The following GSG1L variants were observed in gnomAD, a reference collection of about 807,000 sequenced individuals.
GSG1L encodes the protein germ cell-specific gene 1-like protein.
GSG1L carries 24 observed loss-of-function variants against 42.1 expected under a neutral mutation model. The ratio of observed to expected loss-of-function variants is 0.57; its 90% CI spans 0.41 to 0.80. The LOEUF (loss-of-function observed/expected upper bound fraction) is 0.80, where lower values mean the gene tolerates loss of function less well. Among genes scored for constraint, GSG1L ranks in the 30% least tolerant of loss-of-function variants. The probability of loss-of-function intolerance (pLI) is 0.00; values close to 1 mark genes in which losing one functional copy is unlikely to be tolerated. For synonymous variants in GSG1L, 215 were observed against 203.5 expected, an observed-to-expected ratio of 1.06 and a Z score of -0.48; for missense variants, 445 against 472.2, an observed-to-expected ratio of 0.94 and a Z score of 0.53.
chr16:27,841,403 G>A (rs986430548), intron 4 of GSG1L, among the ~76,000 whole-genome samples: 12 of 152,276 alleles, frequency 7.9e-5, no homozygotes, highest in African/African-American at 1.2e-4. Context: ...CTAAGAAACC[G>A]GCACTCAACC....
At chr16:27,984,866 T>A (rs2085363324) in intron 1 of GSG1L, among the ~76,000 whole-genome samples, 1 of 152,142 alleles carries the variant, frequency 6.6e-6, no homozygotes, top group Non-Finnish European at 1.5e-5. Context: ...CAAAGTATCC[T>A]ACTGCTTCAG....
chr16:27,934,651 C>T (rs1252196262), intron 2 of GSG1L, among the ~76,000 whole-genome samples: 1 of 152,198 alleles, frequency 6.6e-6, no homozygotes, highest in Non-Finnish European at 1.5e-5. Flanking sequence ...AGGAGCATGG[C>T]ACCATGGGAG....
At chr16:27,935,808 C>T (rs996465315) in intron 2 of GSG1L, among the ~76,000 whole-genome samples, 5 of 149,812 alleles carry the variant, frequency 3.3e-5, no homozygotes, top group East Asian at 4.0e-4. Context: ...TAGACAGAAC[C>T]GGACACAAGC....
At chr16:28,050,022 G>T (rs1402594380) in intron 1 of GSG1L, among the ~76,000 whole-genome samples, 2 of 152,150 alleles carry the variant, frequency 1.3e-5, no homozygotes, top group African/African-American at 4.8e-5. Context: ...CCTTATATAT[G>T]AAGTTCACCT....
chr16:27,932,717 C>A (rs1261882717), intron 2 of GSG1L, among the ~76,000 whole-genome samples: 1 of 152,110 alleles, frequency 6.6e-6, no homozygotes, highest in African/African-American at 2.4e-5. Context: ...TAACTTTGGG[C>A]CTGAACATGT....
intron 2 of GSG1L, among the ~76,000 whole-genome samples, chr16:27,921,444 C>A (rs1328494267): frequency 1.3e-5 from 2 of 152,168 alleles, no homozygotes; most frequent in Admixed American, 6.5e-5. Context: ...AACTCCATAG[C>A]CTTATATCTG....
intron 2 of GSG1L, among the ~76,000 whole-genome samples, chr16:27,891,884 CTTTTTTT>C (rs60746199): frequency 0.029 from 2,191 of 74,344 alleles, 87 homozygotes; most frequent in African/African-American, 0.087. Context: ...AGTGACAGAT[CTTTTTTT>C]TTTTTTTTTT....
chr16:27,914,366 T>C (rs1672340221), intron 2 of GSG1L, among the ~76,000 whole-genome samples: 1 of 152,158 alleles, frequency 6.6e-6, no homozygotes, highest in Non-Finnish European at 1.5e-5. Flanking sequence ...TCATATATTG[T>C]GGATGGAATA....
At position 28,063,063 on chromosome 16, in the gene GSG1L, C is replaced by T. The variant is rs2086361742; in HGVS notation, c.349+13G>A. On this transcript the variant is annotated intron_variant, in intron 1 of 6. Transcript: ENST00000447459. The surrounding 1 kb of genome is among the most constrained non-coding windows in gnomAD (Gnocchi z 5.8). ...AGCCGGAGCCGAGCTGGCCGCCGCC[C>T]GCGCGCACTCACCAAGCCCGCTGAG... 42 of 1,407,056 alleles carry T rather than the reference C, an allele frequency of 3.0e-5. No homozygotes were observed. Among genetic ancestry groups the T allele is most frequent in the Non-Finnish European group, 3.8e-5 (41 of 1,074,466 alleles). 87.2% of individuals were successfully genotyped at this position (1,407,056 alleles called of 1,614,324 possible). A position where few individuals can be genotyped will look rare whatever the true frequency, so the allele number is the denominator to read the frequency against.
intron 3 of GSG1L, among the ~76,000 whole-genome samples, chr16:27,880,446 G>A (rs1461306752): frequency 6.6e-6 from 1 of 152,216 alleles, no homozygotes; most frequent in Non-Finnish European, 1.5e-5. Flanking sequence ...GTGTGAGTCT[G>A]TGAAAAGAGC....
At chr16:27,823,973 T>G in intron 5 of GSG1L, 1 of 702,500 alleles carries the variant, frequency 1.4e-6, no homozygotes, top group Admixed American at 2.0e-5. Context: ...AGAAATTAAC[T>G]GAGTCACATC....
At chr16:28,003,542 AGCTCTAGTGGCCAATCAGCATG>A (rs2085602972) in intron 1 of GSG1L, among the ~76,000 whole-genome samples, 1 of 152,214 alleles carries the variant, frequency 6.6e-6, no homozygotes, top group Non-Finnish European at 1.5e-5. Context: ...TCACATGTCC[AGCTCTAGTGGCCAATCAGCATG>A]GCCGGGTAAA....
chr16:27,826,787 G>A (rs1004567274), intron 5 of GSG1L, among the ~76,000 whole-genome samples: 1 of 152,166 alleles, frequency 6.6e-6, no homozygotes, highest in African/African-American at 2.4e-5. Context: ...CAGATTCTGG[G>A]GTCAAAGAGG....
intron 1 of GSG1L, among the ~76,000 whole-genome samples, chr16:28,034,782 T>G (rs1406462235): frequency 6.6e-6 from 1 of 152,216 alleles, no homozygotes; most frequent in African/African-American, 2.4e-5. Context: ...CCTCTACCCA[T>G]TGGCTGCCTA....
intron 6 of GSG1L, 98 bp downstream of exon 6, chr16:27,807,389 T>C (rs2082977780): frequency 1.1e-6 from 1 of 917,412 alleles, no homozygotes; most frequent in Admixed American, 2.1e-5. Context: ...CAGGGTGCAG[T>C]GGGGGGTGGG....
intron 1 of GSG1L, among the ~76,000 whole-genome samples, chr16:28,005,443 T>C (rs1303958450): frequency 1.3e-5 from 2 of 152,218 alleles, no homozygotes; most frequent in African/African-American, 4.8e-5. Context: ...CACATGGCAT[T>C]CTCCCTGTAA....
intron 3 of GSG1L, among the ~76,000 whole-genome samples, chr16:27,874,376 T>C (rs971473216): frequency 2.7e-5 from 4 of 148,674 alleles, no homozygotes; most frequent in African/African-American, 9.8e-5. Context: ...GGCCAATGAT[T>C]CCATCAATCG....
rs559729952 is a variant in GSG1L at position 28,022,161 on chromosome 16, G to A, written c.349+40915C>T. On this transcript the variant is annotated intron_variant, in intron 1 of 6. Transcript: ENST00000447459. ...GTAATAACACCAGGATAGTGGATACGACTCAGGGTAAAGATGGGGGTAGGA... is the reference window on the plus strand; with the variant it reads ...GTAATAACACCAGGATAGTGGATACAACTCAGGGTAAAGATGGGGGTAGGA... Among the ~76,000 whole-genome samples, 5 of 152,316 alleles carry A rather than the reference G, an allele frequency of 3.3e-5. No homozygotes were observed. In the East Asian group the frequency reaches 7.7e-4, roughly 23 times the overall value.
At chr16:27,814,688 GAAAAAAAA>G (rs750992732) in intron 5 of GSG1L, among the ~76,000 whole-genome samples, 1 of 94,346 alleles carries the variant, frequency 1.1e-5, no homozygotes, top group African/African-American at 3.9e-5. Context: ...CCGTCTCAAG[GAAAAAAAA>G]AAAAAAAAAA....
Sources: gnomAD v4.1 joint callset for allele counts (sites outside exome capture counted in the v4.1 genomes callset) on GRCh38, gnomAD v4.1.1 for gene constraint, Gnocchi (gnomAD v3.1) non-coding constraint, MANE v1.5 for transcripts, NCBI Gene and HGNC (gene_info 2026-07-23, HGNC 2026-07-21) for gene names.